Variants in GRID1 observed in about 807,000 individuals in gnomAD.
GRID1 encodes the protein glutamate receptor ionotropic, delta-1.
Under a neutral mutation model 98.0 loss-of-function variants are expected in GRID1, and 28 were observed. That is an observed-to-expected ratio of 0.29 (90% CI 0.21 to 0.39). GRID1 has a LOEUF of 0.39. GRID1 is among the 10% of genes least tolerant of loss of function. GRID1 has a pLI of 1.00. For missense variants in GRID1, 1,111 were observed against 1,340.5 expected (o/e 0.83, Z 2.67); for synonymous variants, 553 against 538.5 (o/e 1.03, Z -0.37).
intron 2 of GRID1, among the ~76,000 whole-genome samples, chr10:86,211,077 G>C (rs982115136): frequency 2.0e-5 from 3 of 152,146 alleles, no homozygotes; most frequent in Admixed American, 6.5e-5. Flanking sequence ...TCTTCTTGGG[G>C]GGGTCAAATA....
chr10:85,725,332 A>G (rs1841750195), intron 10 of GRID1, among the ~76,000 whole-genome samples: 1 of 152,244 alleles, frequency 6.6e-6, no homozygotes, highest in Non-Finnish European at 1.5e-5. Context: ...CATGGCTTGC[A>G]AACCCACAGG....
intron 12 of GRID1, among the ~76,000 whole-genome samples, chr10:85,700,435 C>G (rs1190231394): frequency 6.6e-6 from 1 of 152,156 alleles, no homozygotes; most frequent in Non-Finnish European, 1.5e-5. Context: ...ACCTGAGCCT[C>G]TGGGCCAAAT....
At chr10:85,840,322 A>C (rs1273428607) in intron 8 of GRID1, among the ~76,000 whole-genome samples, 1 of 151,814 alleles carries the variant, frequency 6.6e-6, no homozygotes, top group Admixed American at 6.6e-5. Flanking sequence ...AGTTGAGACC[A>C]ATATCCTTGA....
intron 13 of GRID1, among the ~76,000 whole-genome samples, chr10:85,640,756 G>T (rs1389063910): frequency 2.6e-5 from 4 of 152,250 alleles, no homozygotes; most frequent in African/African-American, 9.6e-5. Flanking sequence ...CAGAAAGGAA[G>T]AGAAAGCGAA....
chr10:85,609,760 G>A (rs1046311570), intron 15 of GRID1, among the ~76,000 whole-genome samples: 8 of 152,202 alleles, frequency 5.3e-5, no homozygotes, highest in African/African-American at 1.9e-4. Flanking sequence ...CCCAGTGATG[G>A]ATGACTCATC....
chr10:85,879,775 G>A (rs1450090542), intron 5 of GRID1, among the ~76,000 whole-genome samples: 2 of 152,110 alleles, frequency 1.3e-5, no homozygotes, highest in Non-Finnish European at 2.9e-5. Flanking sequence ...TAATATCAGA[G>A]CAGAACTGAA....
intron 3 of GRID1, among the ~76,000 whole-genome samples, chr10:86,203,340 G>C (rs1428400022): frequency 6.6e-6 from 1 of 152,040 alleles, no homozygotes; most frequent in Non-Finnish European, 1.5e-5. Flanking sequence ...TATCCACCTA[G>C]GAGTGACACT....
At chr10:85,721,818 T>C (rs1401935067) in intron 12 of GRID1, among the ~76,000 whole-genome samples, 4 of 152,134 alleles carry the variant, frequency 2.6e-5, no homozygotes, top group African/African-American at 9.7e-5. Context: ...AGTGATAAAA[T>C]AGTATAGACC....
chr10:85,667,851 G>C (rs1841040536), intron 12 of GRID1, among the ~76,000 whole-genome samples: 1 of 152,166 alleles, frequency 6.6e-6, no homozygotes, highest in Non-Finnish European at 1.5e-5. Context: ...TGTCTGACTA[G>C]GCTTCCCCGC....
chr10:86,066,365 G>C (rs760749899), intron 4 of GRID1, among the ~76,000 whole-genome samples: 16 of 152,172 alleles, frequency 1.1e-4, no homozygotes, highest in Non-Finnish European at 1.9e-4. Flanking sequence ...ACTGACAGTT[G>C]AGCAGCTAAT....
At chr10:86,107,368 CG>C (rs1405443288) in intron 4 of GRID1, among the ~76,000 whole-genome samples, 2 of 152,184 alleles carry the variant, frequency 1.3e-5, no homozygotes, top group Non-Finnish European at 2.9e-5. Flanking sequence ...ATCTGAAGGG[CG>C]TCCCTTGGCA....
chr10:85,961,262 G>A (rs2131849179), intron 4 of GRID1, among the ~76,000 whole-genome samples: 1 of 152,240 alleles, frequency 6.6e-6, no homozygotes, highest in East Asian at 1.9e-4. Context: ...GTTCTCCTCT[G>A]AGCCTGCCCC....
chr10:85,816,756 T>C (rs1005023009), intron 8 of GRID1, among the ~76,000 whole-genome samples: 1 of 152,214 alleles, frequency 6.6e-6, no homozygotes, highest in Non-Finnish European at 1.5e-5. Context: ...GTTATATAGG[T>C]AAACTGTGTG....
intron 2 of GRID1, among the ~76,000 whole-genome samples, chr10:86,267,999 C>G (rs903043153): frequency 6.6e-6 from 1 of 152,218 alleles, no homozygotes; most frequent in Admixed American, 6.5e-5. Context: ...ACCCACAGCC[C>G]GGTGCTCGCC....
At position 85,729,678 on chromosome 10, in the gene GRID1, G is replaced by A. The variant is rs1008715861; in HGVS notation, c.1234-64C>T. 1.3e-5 allele frequency: 13 copies of A among 983,438 alleles called. No individual in the cohort carries two copies. In the South Asian group the frequency reaches 1.4e-4, roughly 11 times the overall value. The allele number at this position is 983,438 out of a possible 1,614,324, so 60.9% of individuals were successfully genotyped here. A position where few individuals can be genotyped will look rare whatever the true frequency, so the allele number is the denominator to read the frequency against. On this transcript the variant is annotated intron_variant, in intron 8 of 15. Transcript: ENST00000327946. ...GCACCCGTGCACACCATAGGACCTC[G>A]GCTCCTACACTGGGATCCTGAATTA...
chr10:86,054,074 G>C (rs1365038655), intron 4 of GRID1, among the ~76,000 whole-genome samples: 4 of 152,112 alleles, frequency 2.6e-5, no homozygotes, highest in African/African-American at 9.7e-5. Context: ...GCCTAGTCCA[G>C]GCTCCAAAAA....
intron 3 of GRID1, among the ~76,000 whole-genome samples, chr10:86,154,837 G>A (rs532870895): frequency 4.6e-5 from 7 of 152,198 alleles, no homozygotes; most frequent in Admixed American, 2.6e-4. Flanking sequence ...CCACCTCTCC[G>A]GGAGCAAAAC....
In GRID1 at chr10:86,178,368, G is replaced by A. The variant is rs969586385; in HGVS notation, c.520+27996C>T. Among the ~76,000 whole-genome samples the A allele has an allele frequency of 9.9e-5, 15 of 152,244 alleles. No homozygotes were observed. In the South Asian group the frequency reaches 1.9e-3, roughly 19 times the overall value. On this transcript the variant is annotated intron_variant, in intron 3 of 15. Coordinates refer to ENST00000327946, the MANE Select transcript of GRID1 (RefSeq NM_017551.3). ...CACAAAAGCGGGAGCAGTGGAGGGA[G>A]GACAGGGGGAGAAGAAGCAAGGCTG...
intron 8 of GRID1, 42 bp downstream of exon 8, chr10:85,854,454 A>G (rs1437981875): frequency 6.2e-7 from 1 of 1,604,464 alleles, no homozygotes; most frequent in Admixed American, 1.7e-5. Flanking sequence ...CTTTGGTGGC[A>G]CCATAGCAGG....
Sources: allele counts gnomAD v4.1 joint callset (sites outside exome capture counted in the v4.1 genomes callset), GRCh38; gene constraint gnomAD v4.1.1; transcripts MANE v1.5; gene names NCBI Gene and HGNC (gene_info 2026-07-23, HGNC 2026-07-21).